Variants in RPTOR observed in about 807,000 individuals in gnomAD.
RPTOR encodes the protein regulatory associated protein of MTOR complex 1.
RPTOR carries 21 observed loss-of-function variants against 169.9 expected under a neutral mutation model. The observed-to-expected ratio is 0.12, with a 90% CI of 0.09 to 0.18. The LOEUF is 0.18. Among genes scored for constraint, RPTOR ranks in the 10% least tolerant of loss-of-function variants. The pLI is 1.00. For missense variants in RPTOR, 1,133 were observed against 1,855.9 expected (o/e 0.61, Z 7.16); for synonymous variants, 732 against 753.2 (o/e 0.97, Z 0.46).
intron 5 of RPTOR, among the ~76,000 whole-genome samples, chr17:80,733,023 C>A (rs1182909777): frequency 6.6e-6 from 1 of 152,086 alleles, no homozygotes; most frequent in Non-Finnish European, 1.5e-5. Context: ...ACCAGAAAGC[C>A]TCCAAATAAT....
intron 14 of RPTOR, among the ~76,000 whole-genome samples, chr17:80,880,848 TGA>T (rs2068179288): frequency 6.6e-6 from 1 of 152,138 alleles, no homozygotes; most frequent in Non-Finnish European, 1.5e-5. Flanking sequence ...GTCTGTAATA[TGA>T]GAGTTCAGGC....
At chr17:80,825,493 C>G (rs949525779) in intron 9 of RPTOR, among the ~76,000 whole-genome samples, 4 of 152,368 alleles carry the variant, frequency 2.6e-5, no homozygotes, top group African/African-American at 9.6e-5. Flanking sequence ...CTAGGCCTAG[C>G]TGCAGCCTCT....
rs1183530182 is a variant in RPTOR, at chr17:80,645,279, A to G, written c.348+1469A>G. 2.0e-5 allele frequency among the ~76,000 whole-genome samples: 3 copies of G among 152,092 alleles called. No individual in the cohort carries two copies. In the South Asian group the frequency reaches 6.2e-4, roughly 32 times the overall value. ...TTGGCACATGGCATGTCGTTAACCA[A>G]CACTATGGGAATTCAGAGGAATGCC... On this transcript the variant is annotated intron_variant, in intron 3 of 33. Coordinates refer to ENST00000306801, the MANE Select transcript of RPTOR (RefSeq NM_020761.3).
intron 6 of RPTOR, among the ~76,000 whole-genome samples, chr17:80,775,728 T>G (rs1267211152): frequency 6.6e-6 from 1 of 152,194 alleles, no homozygotes. Flanking sequence ...TATCTTTTAA[T>G]TTATTGCACA....
intron 1 of RPTOR, among the ~76,000 whole-genome samples, chr17:80,582,474 C>T (rs567421357): frequency 1.3e-5 from 2 of 151,446 alleles, no homozygotes; most frequent in African/African-American, 2.4e-5. Context: ...CCTCTCTGAT[C>T]GCACATACAT....
intron 2 of RPTOR, among the ~76,000 whole-genome samples, chr17:80,638,411 C>CT (rs11399351): frequency 0.16 from 20,769 of 126,210 alleles, 2,183 homozygotes; most frequent in African/African-American, 0.2. Flanking sequence ...TTCTTCCTTT[C>CT]TTTTTTTTTT....
intron 12 of RPTOR, among the ~76,000 whole-genome samples, chr17:80,855,887 C>G (rs1001600841): frequency 1.3e-5 from 2 of 152,174 alleles, no homozygotes; most frequent in East Asian, 1.9e-4. Flanking sequence ...CTGAGCCTGA[C>G]GCAGCACCCA....
In RPTOR at chr17:80,936,487, C is replaced by G. The variant is rs1252708003; in HGVS notation, c.2920-4009C>G. On this transcript the variant is annotated intron_variant, in intron 24 of 33. Transcript: ENST00000306801. The surrounding 1 kb of genome is among the most constrained non-coding windows in gnomAD (Gnocchi z 4.1). Reference sequence around the variant, plus strand: ...CTCGTAAAGAGAGAAGCTGATACAACCATACAATGAAAGACTCATCAGAAC... The same window carrying G: ...CTCGTAAAGAGAGAAGCTGATACAAGCATACAATGAAAGACTCATCAGAAC... Among the ~76,000 whole-genome samples, 1 of 152,202 alleles carries G rather than the reference C, an allele frequency of 6.6e-6. No individual in the cohort carries two copies. Among genetic ancestry groups the G allele is most frequent in the African/African-American group, 2.4e-5 (1 of 41,440 alleles).
At chr17:80,660,560 C>T (rs1040021703) in intron 3 of RPTOR, among the ~76,000 whole-genome samples, 11 of 152,250 alleles carry the variant, frequency 7.2e-5, no homozygotes, top group South Asian at 4.1e-4. Flanking sequence ...GATGGTGACA[C>T]GGTCTCCTGC....
At chr17:80,642,323 T>C (rs2065560457) in intron 2 of RPTOR, among the ~76,000 whole-genome samples, 1 of 152,102 alleles carries the variant, frequency 6.6e-6, no homozygotes, top group Admixed American at 6.6e-5. Flanking sequence ...CGGAGTTTCA[T>C]GTTGCTCAGG....
intron 4 of RPTOR, among the ~76,000 whole-genome samples, chr17:80,719,716 G>T (rs2066269154): frequency 6.6e-6 from 1 of 152,154 alleles, no homozygotes; most frequent in Admixed American, 6.5e-5. Context: ...GCCCCGAAAG[G>T]TCAGGAGTGG....
chr17:80,634,264 C>CGTGTGTGCATACT (rs2065468741), intron 2 of RPTOR, among the ~76,000 whole-genome samples: 4 of 43,888 alleles, frequency 9.1e-5, no homozygotes, highest in Non-Finnish European at 1.9e-4. Flanking sequence ...GCGTGCATAC[C>CGTGTGTGCATACT]GTGTGTGTGC....
intron 1 of RPTOR, 101 bp downstream of exon 1, chr17:80,545,892 C>T (rs2084268522): frequency 4.9e-6 from 5 of 1,022,226 alleles, no homozygotes; most frequent in Non-Finnish European, 7.0e-6. Context: ...ACATTTCCCC[C>T]TAGCCACACG....
intron 7 of RPTOR, among the ~76,000 whole-genome samples, chr17:80,810,609 G>C (rs1176040866): frequency 6.6e-6 from 1 of 151,904 alleles, no homozygotes; most frequent in Non-Finnish European, 1.5e-5. Flanking sequence ...AATGGTTTTG[G>C]CTACTCTAGA....
At chr17:80,953,672 G>A (rs1031109870) in intron 28 of RPTOR, among the ~76,000 whole-genome samples, 2 of 152,256 alleles carry the variant, frequency 1.3e-5, no homozygotes, top group Non-Finnish European at 2.9e-5. Context: ...GAGCATGTCC[G>A]GGTGGGCAGC....
Position 80,947,472 on chromosome 17 carries a change from G to A in RPTOR, c.3265+121G>A, listed in dbSNP as rs1452487608. ...ACAGAAAGCCCTGCTCACACGCGAG[G>A]GCCACTGTCATTCAGAAGTGGGGAG... On this transcript the variant is annotated intron_variant, in intron 27 of 33. Coordinates refer to ENST00000306801, the MANE Select transcript of RPTOR (RefSeq NM_020761.3). This position sits in a 1 kb window ranked among gnomAD's most constrained non-coding sequence, Gnocchi z 4.4. 7 of 1,288,708 alleles carry A rather than the reference G, an allele frequency of 5.4e-6. No homozygotes were observed. Among genetic ancestry groups the A allele is most frequent in the African/African-American group, 3.1e-5 (2 of 65,262 alleles). The allele number at this position is 1,288,708 out of a possible 1,614,324, so 79.8% of individuals were successfully genotyped here. A position where few individuals can be genotyped will look rare whatever the true frequency, so the allele number is the denominator to read the frequency against.
chr17:80,822,700 CTG>C (rs926563525), intron 8 of RPTOR, among the ~76,000 whole-genome samples: 5 of 152,114 alleles, frequency 3.3e-5, no homozygotes, highest in African/African-American at 1.2e-4. Context: ...TATATGTGCA[CTG>C]TGTGTGTACA....
At chr17:80,779,709 A>G (rs1011248947) in intron 6 of RPTOR, among the ~76,000 whole-genome samples, 2 of 152,216 alleles carry the variant, frequency 1.3e-5, no homozygotes, top group Non-Finnish European at 2.9e-5. Flanking sequence ...ACACAAGCAG[A>G]TAAAAGCAGC....
rs2067410091 is a variant in RPTOR, at chr17:80,823,839, C to T, written c.1136+616C>T. ...TGAAGACGTTTGGTTTCTTTCTGTTCTGTGGCTGTCCTAACAAGCAGGTTT... is the reference window on the plus strand; with the variant it reads ...TGAAGACGTTTGGTTTCTTTCTGTTTTGTGGCTGTCCTAACAAGCAGGTTT... On this transcript the variant is annotated intron_variant, in intron 9 of 33. Coordinates refer to ENST00000306801, the MANE Select transcript of RPTOR (RefSeq NM_020761.3). This position sits in a 1 kb window ranked among gnomAD's most constrained non-coding sequence, Gnocchi z 4.5. Among the ~76,000 whole-genome samples the T allele has an allele frequency of 6.6e-6, 1 of 152,188 alleles. No individual in the cohort carries two copies. Among genetic ancestry groups the T allele is most frequent in the Non-Finnish European group, 1.5e-5 (1 of 68,038 alleles).
Sources: gnomAD v4.1 joint callset for allele counts (sites outside exome capture counted in the v4.1 genomes callset) on GRCh38, gnomAD v4.1.1 for gene constraint, Gnocchi (gnomAD v3.1) non-coding constraint, MANE v1.5 for transcripts, NCBI Gene and HGNC (gene_info 2026-07-23, HGNC 2026-07-21) for gene names.